The following GSDME variants were observed in gnomAD, a reference collection of about 807,000 sequenced individuals.
GSDME encodes the protein gasdermin-E.
Under a neutral mutation model 47.5 loss-of-function variants are expected in GSDME, and 44 were observed. That is an observed-to-expected ratio of 0.93 (90% confidence interval 0.73 to 1.19). GSDME has a LOEUF of 1.19. Ranked by LOEUF, GSDME falls within the 50% of genes most tolerant of loss-of-function variation. GSDME has a pLI of 0.00. For synonymous variants in GSDME, 258 were observed against 252.8 expected, an observed-to-expected ratio of 1.02 and a Z score of -0.20; for missense variants, 663 against 604.2, an observed-to-expected ratio of 1.10 and a Z score of -1.02.
chr7:24,732,524 C>T lies in GSDME; in HGVS notation c.404+12038G>A, dbSNP rs1315500026. ...TTTGACTTCATTTTGCTGAAAGAGG[C>T]ACTGAAGAGGGTAGGAAAGGCAGTC... On this transcript the variant is annotated intron_variant, in intron 3 of 9. Coordinates refer to ENST00000645220, the MANE Select transcript of GSDME (RefSeq NM_001127453.2). The surrounding 1 kb of genome is among the most constrained non-coding windows in gnomAD (Gnocchi z 4.8). Among the ~76,000 whole-genome samples the T allele has an allele frequency of 6.6e-6, 1 of 152,206 alleles. No homozygotes were observed. The highest frequency in any genetic ancestry group is 1.9e-4 in the East Asian group (1 of 5,200).
At chr7:24,771,680 A>T in the GSDME span, among the ~76,000 whole-genome samples, 8 of 152,162 alleles carry the variant, frequency 5.3e-5, no homozygotes, top group Non-Finnish European at 5.9e-5. The surrounding 1 kb of genome is among the most constrained non-coding windows in gnomAD (Gnocchi z 4.1). Context: ...CTTGGAAAAG[A>T]GTGTCAAGAC....
At chr7:24,704,184 A>C (rs1789000081) in intron 8 of GSDME, 1 of 152,242 alleles carries the variant, frequency 6.6e-6, no homozygotes, top group Non-Finnish European at 1.5e-5. Flanking sequence ...CCTAAAACAT[A>C]GTATAAGCTT....
At chr7:24,701,655 G>T (rs926351539) in intron 9 of GSDME, among the ~76,000 whole-genome samples, 3 of 152,216 alleles carry the variant, frequency 2.0e-5, no homozygotes, top group African/African-American at 7.2e-5. Flanking sequence ...CATACAATTA[G>T]AATAATGGCA....
At position 24,712,746 on chromosome 7, in the gene GSDME, C is replaced by T. The variant is rs1180330694; in HGVS notation, c.698-2358G>A. ...ACAGATTAACAAGAGAGGCCAGGCA[C>T]GGTGGCTCACACCTATAATCCTAAC... is the stretch of plus-strand genomic sequence containing the variant. On this transcript the variant is annotated intron_variant, in intron 5 of 9. Coordinates refer to ENST00000645220, the MANE Select transcript of GSDME (RefSeq NM_001127453.2). This position sits in a 1 kb window ranked among gnomAD's most constrained non-coding sequence, Gnocchi z 4.4. Among the ~76,000 whole-genome samples the T allele has an allele frequency of 2.0e-5, 3 of 152,162 alleles. No homozygotes were observed. Among genetic ancestry groups the T allele is most frequent in the Middle Eastern group, 3.2e-3 (1 of 316 alleles).
chr7:24,787,841 G>A, the GSDME span, among the ~76,000 whole-genome samples: 1 of 152,086 alleles, frequency 6.6e-6, no homozygotes, highest in African/African-American at 2.4e-5. This position sits in a 1 kb window ranked among gnomAD's most constrained non-coding sequence, Gnocchi z 5.0. Context: ...TGAGTAGCTG[G>A]GATTACAGGC....
the GSDME span, among the ~76,000 whole-genome samples, chr7:24,793,774 C>A: frequency 1.3e-5 from 2 of 151,636 alleles, no homozygotes; most frequent in Non-Finnish European, 2.9e-5. Context: ...ATAAATTCTA[C>A]CCCCCTTTTC....
the GSDME span, among the ~76,000 whole-genome samples, chr7:24,767,497 C>A: frequency 3.5e-5 from 5 of 140,870 alleles, no homozygotes; most frequent in African/African-American, 8.1e-5. This position sits in a 1 kb window ranked among gnomAD's most constrained non-coding sequence, Gnocchi z 5.3. Context: ...GCAAAAGAAA[C>A]CTCTATCTAG....
At chr7:24,741,674 GC>G (rs1282281690) in intron 3 of GSDME, among the ~76,000 whole-genome samples, 1 of 152,102 alleles carries the variant, frequency 6.6e-6, no homozygotes, top group East Asian at 1.9e-4. Context: ...CTGAAAATAA[GC>G]CCTCGGGAAT....
At position 24,745,034 on chromosome 7, in the gene GSDME, T is replaced by TGTGG. The variant is rs1292473229; in HGVS notation, c.212-281_212-280insCCAC. On this transcript the variant is annotated intron_variant, in intron 2 of 9. Transcript: ENST00000645220. This position sits in a 1 kb window ranked among gnomAD's most constrained non-coding sequence, Gnocchi z 4.4. ...GTGTGTGTGTGTGTGTGTGTGTGTG[T>TGTGG]GGACCACGGGCACACAGTGGACCAG... 3.8e-4 allele frequency among the ~76,000 whole-genome samples: 52 copies of TGTGG among 135,736 alleles called. No homozygotes were observed. The highest frequency in any genetic ancestry group is 1.3e-3 in the African/African-American group (45 of 34,588). The allele number at this position is 135,736 out of a possible 152,430, so 89.0% of individuals were successfully genotyped here.
chr7:24,782,156 T>C, the GSDME span, among the ~76,000 whole-genome samples: 3 of 152,156 alleles, frequency 2.0e-5, no homozygotes, highest in Non-Finnish European at 4.4e-5. Context: ...CATGTTGGTG[T>C]GCTGCACCCA....
intron 3 of GSDME, among the ~76,000 whole-genome samples, chr7:24,741,118 C>T (rs1037171800): frequency 1.3e-5 from 2 of 152,054 alleles, no homozygotes; most frequent in Admixed American, 1.3e-4. Context: ...AGGGCAGAAA[C>T]GGCTTACCAA....
the GSDME span, among the ~76,000 whole-genome samples, chr7:24,781,434 A>G: frequency 0.045 from 6,876 of 152,236 alleles, 548 homozygotes; most frequent in African/African-American, 0.16. Flanking sequence ...TTCACAACAC[A>G]GCACCTCATA....
At chr7:24,729,164 TG>T (rs1225871614) in intron 3 of GSDME, among the ~76,000 whole-genome samples, 1 of 152,198 alleles carries the variant, frequency 6.6e-6, no homozygotes, top group Non-Finnish European at 1.5e-5. Flanking sequence ...GCAGCAAGCC[TG>T]GAAGATGATA....
At chr7:24,743,858 C>T (rs1449260966) in intron 3 of GSDME, among the ~76,000 whole-genome samples, 1 of 152,230 alleles carries the variant, frequency 6.6e-6, no homozygotes, top group African/African-American at 2.4e-5. Flanking sequence ...CTCACTGCTG[C>T]CGATTCCCAT....
In GSDME at chr7:24,699,540, G is replaced by A. The variant is rs191556083; in HGVS notation, c.1258-281C>T. ...TTTTTAGTAGAGATGGGGTTTCACC[G>A]TGTTGGCCAGGCTGGTCTCAAATTC... On this transcript the variant is annotated intron_variant, in intron 9 of 9. Transcript: ENST00000645220. Among the ~76,000 whole-genome samples, 940 of 152,148 alleles carry A rather than the reference G, an allele frequency of 6.2e-3. 9 individuals are homozygous for A. Among genetic ancestry groups the A allele is most frequent in the Non-Finnish European group, 0.011 (739 of 67,994 alleles).
At chr7:24,702,913 C>T in intron 8 of GSDME, 80 bp from the exon 9 acceptor site, 3 of 1,263,832 alleles carry the variant, frequency 2.4e-6, no homozygotes, top group South Asian at 2.4e-5. Flanking sequence ...TGGCACCTAA[C>T]TTATATTTTA....
chr7:24,793,493 C>T, the GSDME span, among the ~76,000 whole-genome samples: 1 of 152,168 alleles, frequency 6.6e-6, no homozygotes, highest in South Asian at 2.1e-4. Context: ...AATCCTTTTA[C>T]TAAAAATATA....
At chr7:24,769,247 C>T in the GSDME span, among the ~76,000 whole-genome samples, 1 of 152,098 alleles carries the variant, frequency 6.6e-6, no homozygotes, top group South Asian at 2.1e-4. Flanking sequence ...CATGGGAAAC[C>T]CTGAACTGTA....
At chr7:24,767,510 T>A in the GSDME span, among the ~76,000 whole-genome samples, 61 of 152,152 alleles carry the variant, frequency 4.0e-4, no homozygotes, top group Non-Finnish European at 8.4e-4. This position sits in a 1 kb window ranked among gnomAD's most constrained non-coding sequence, Gnocchi z 5.3. Context: ...CTATCTAGAA[T>A]TTTTACATTA....
Sources: allele counts gnomAD v4.1 joint callset (sites outside exome capture counted in the v4.1 genomes callset), GRCh38; gene constraint gnomAD v4.1.1; non-coding constraint Gnocchi (gnomAD v3.1); transcripts MANE v1.5; gene names NCBI Gene and HGNC (gene_info 2026-07-23, HGNC 2026-07-21).